The following NUP153 variants were observed in gnomAD, a reference collection of about 807,000 sequenced individuals.
The protein encoded by NUP153 is nuclear pore complex protein Nup153.
NUP153 carries 27 observed loss-of-function variants against 134.6 expected under a neutral mutation model. The ratio of observed to expected loss-of-function variants is 0.20; its 90% CI spans 0.15 to 0.28. NUP153 has a LOEUF of 0.28. Ranked by LOEUF, NUP153 falls within the 10% of genes least tolerant of loss-of-function variation. NUP153 has a pLI of 1.00. For synonymous variants in NUP153, 640 were observed against 623.5 expected, an observed-to-expected ratio of 1.03 and a Z score of -0.40; for missense variants, 1,821 against 1,731.3, an observed-to-expected ratio of 1.05 and a Z score of -0.92.
chr6:17,629,647 C>G, intron 17 of NUP153, 108 bp from the exon 18 acceptor site: 1 of 967,650 alleles, frequency 1.0e-6, no homozygotes, highest in Non-Finnish European at 1.5e-6. Flanking sequence ...TTTGAAAGGG[C>G]CTACTTTGAA....
rs750497570 is a variant in NUP153 at position 17,632,815 on chromosome 6, T to C, written c.2494A>G (p.Thr832Ala). Reference protein sequence around the residue: ...GSSVPASSSSTVPVSLPSGGS... With the variant: ...GSSVPASSSSAVPVSLPSGGS... ...CCAGAAGGCAGAGAGACAGGTACAG[T>C]GCTGCTACTTGAAGCAGGTACTGAA... Residue 832 changes from threonine to alanine, a missense_variant, in exon 17 of 22, where the codon ACT becomes GCT. Physicochemically the swap from Thr to Ala is moderately conservative, Grantham distance 58. Transcript: ENST00000262077. The C allele has an allele frequency of 4.1e-6, 6 of 1,470,102 alleles. No homozygotes were observed. The highest frequency in any genetic ancestry group is 3.8e-4 in the Middle Eastern group (2 of 5,316). 91.1% of individuals were successfully genotyped at this position (1,470,102 alleles called of 1,614,324 possible). A position where few individuals can be genotyped will look rare whatever the true frequency, so the allele number is the denominator to read the frequency against.
chr6:17,630,748 G>A (rs1371769335), intron 17 of NUP153, among the ~76,000 whole-genome samples: 1 of 133,620 alleles, frequency 7.5e-6, no homozygotes, highest in Non-Finnish European at 1.6e-5. Flanking sequence ...GGGGAGGGGA[G>A]AAGGGAGGGG....
At chr6:17,672,553 G>A (rs1180927047) in intron 5 of NUP153, among the ~76,000 whole-genome samples, 2 of 152,196 alleles carry the variant, frequency 1.3e-5, no homozygotes, top group Non-Finnish European at 2.9e-5. Context: ...TCCAACCTGT[G>A]TGACAGAGCA....
chr6:17,639,856 A>G, intron 15 of NUP153, 83 bp downstream of exon 15: 1 of 1,299,908 alleles, frequency 7.7e-7, no homozygotes, highest in South Asian at 1.8e-5. Flanking sequence ...AGAAATTTTT[A>G]AAAGCCTAAA....
At chr6:17,658,638 T>A (rs1474562271) in intron 11 of NUP153, among the ~76,000 whole-genome samples, 1 of 152,180 alleles carries the variant, frequency 6.6e-6, no homozygotes, top group African/African-American at 2.4e-5. Flanking sequence ...TCTATGGTCA[T>A]TCACCATTTG....
At chr6:17,627,333 G>C (rs1764994658) in intron 18 of NUP153, among the ~76,000 whole-genome samples, 2 of 152,160 alleles carry the variant, frequency 1.3e-5, no homozygotes. Flanking sequence ...ATATATAACA[G>C]ACAAAAAACT....
In NUP153 at chr6:17,646,056, T is replaced by G. The variant is rs916164430; in HGVS notation, c.1720+11A>C. 1 of 1,361,268 alleles carries G rather than the reference T, an allele frequency of 7.3e-7. No homozygotes were observed. The highest frequency in any genetic ancestry group is 1.0e-6 in the Non-Finnish European group (1 of 964,602). The allele number at this position is 1,361,268 out of a possible 1,614,324, so 84.3% of individuals were successfully genotyped here. A position where few individuals can be genotyped will look rare whatever the true frequency, so the allele number is the denominator to read the frequency against. The stretch of plus-strand genomic sequence containing the variant: ...TGTTTGTATGTTAAAATGTAAGAAA[T>G]TTTTACTTACCTGAACTACTTATAA... On this transcript the variant is annotated intron_variant, in intron 14 of 21. Transcript: ENST00000262077.
chr6:17,638,959 C>T lies in NUP153; in HGVS notation c.1846+980G>A, dbSNP rs920938939. Among the ~76,000 whole-genome samples the T allele has an allele frequency of 1.3e-5, 2 of 152,196 alleles. No homozygotes were observed. The highest frequency in any genetic ancestry group is 1.3e-4 in the Admixed American group (2 of 15,268). On this transcript the variant is annotated intron_variant, in intron 15 of 21. Coordinates refer to ENST00000262077, the MANE Select transcript of NUP153 (RefSeq NM_005124.4). The surrounding 1 kb of genome is among the most constrained non-coding windows in gnomAD (Gnocchi z 4.0). ...CCTAAATCCTGTTGTAAAAGCCAAC[C>T]TTATTTTTTAAGAAAACCTATCTTA...
chr6:17,648,477 CAT>C (rs1286650102), intron 12 of NUP153, among the ~76,000 whole-genome samples: 3 of 152,038 alleles, frequency 2.0e-5, no homozygotes, highest in Non-Finnish European at 4.4e-5. Flanking sequence ...ATTAGCCGGG[CAT>C]GGTGGTGCGC....
chr6:17,698,344 G>A (rs1330376215), intron 1 of NUP153, among the ~76,000 whole-genome samples: 1 of 152,180 alleles, frequency 6.6e-6, no homozygotes, highest in East Asian at 1.9e-4. Context: ...TGTAATCTCA[G>A]TGCTTTGGAG....
At position 17,670,496 on chromosome 6, in the gene NUP153, C is replaced by T. The variant is rs900270368; in HGVS notation, c.853-950G>A. Among the ~76,000 whole-genome samples, 8 of 152,164 alleles carry T rather than the reference C, an allele frequency of 5.3e-5. No individual in the cohort carries two copies. In the South Asian group the frequency reaches 8.3e-4, roughly 16 times the overall value. On this transcript the variant is annotated intron_variant, in intron 5 of 21. Coordinates refer to ENST00000262077, the MANE Select transcript of NUP153 (RefSeq NM_005124.4). ...TTATCTGTGTACAGTAAAAATATTA[C>T]AGGAATAATACCCTTTCCAATCTGC...
intron 2 of NUP153, among the ~76,000 whole-genome samples, chr6:17,684,432 C>G (rs748018299): frequency 6.6e-6 from 1 of 152,252 alleles, no homozygotes; most frequent in Non-Finnish European, 1.5e-5. Context: ...TCAGACTTCA[C>G]AGAACTGAAG....
Position 17,668,968 on chromosome 6 carries a change from GT to G in NUP153, c.1068+6del, listed in dbSNP as rs780668884. On this transcript the variant is annotated splice_donor_region_variant and intron_variant, in intron 8 of 21. Coordinates refer to ENST00000262077, the MANE Select transcript of NUP153 (RefSeq NM_005124.4). The stretch of plus-strand genomic sequence containing the variant: ...GTTTAAATAACTAAATGCTAAAGAA[GT>G]TTTACCTTTTCTCTTTTGGCCTGAA... 2.7e-6 allele frequency: 4 copies of G among 1,495,916 alleles called. No homozygotes were observed. The highest frequency in any genetic ancestry group is 1.5e-5 in the African/African-American group (1 of 67,444). The allele number at this position is 1,495,916 out of a possible 1,614,324, so 92.7% of individuals were successfully genotyped here. A position where few individuals can be genotyped will look rare whatever the true frequency, so the allele number is the denominator to read the frequency against.
intron 5 of NUP153, among the ~76,000 whole-genome samples, chr6:17,672,598 C>T (rs1354672578): frequency 1.3e-5 from 2 of 152,056 alleles, no homozygotes; most frequent in Admixed American, 6.6e-5. Flanking sequence ...AGAACAAAGA[C>T]GGTGCAAAAG....
intron 1 of NUP153, among the ~76,000 whole-genome samples, chr6:17,689,089 G>T (rs147073289): frequency 0.011 from 1,603 of 151,566 alleles, 25 homozygotes; most frequent in African/African-American, 0.037. Context: ...AAAAATACAG[G>T]AACTAAAACA....
chr6:17,700,708 C>T (rs1382259084), intron 1 of NUP153, among the ~76,000 whole-genome samples: 3 of 152,168 alleles, frequency 2.0e-5, no homozygotes, highest in Non-Finnish European at 4.4e-5. Context: ...ATCATATAAA[C>T]CATGGTATAG....
Position 17,637,596 on chromosome 6 carries a change from G to A in NUP153, c.2021C>T (p.Thr674Ile), listed in dbSNP as rs995781507. The change falls in exon 16 of 22, where the codon ACA (threonine) becomes ATA (isoleucine). Residue 674 changes from threonine to isoleucine, a missense_variant. Thr to Ile is a moderately conservative substitution (Grantham distance 89). Coordinates refer to ENST00000262077, the MANE Select transcript of NUP153 (RefSeq NM_005124.4). ...CDTCLLQNKV[T>I]DNKCIACQAA... ...TTGACAGGCTATGCATTTGTTGTCT[G>A]TAACTTTGTTCTGGAGTAGACATGT... 3.7e-6 allele frequency: 6 copies of A among 1,614,108 alleles called. No individual in the cohort carries two copies. In the South Asian group the frequency reaches 6.6e-5, roughly 18 times the overall value.
intron 5 of NUP153, among the ~76,000 whole-genome samples, chr6:17,670,028 G>A (rs1019285690): frequency 5.3e-5 from 8 of 150,256 alleles, no homozygotes; most frequent in South Asian, 2.1e-4. Flanking sequence ...CCCAGGAGGC[G>A]GAGGTTGTGG....
chr6:17,673,456 T>C (rs1251186986), intron 5 of NUP153, among the ~76,000 whole-genome samples: 2 of 152,164 alleles, frequency 1.3e-5, no homozygotes, highest in Non-Finnish European at 2.9e-5. Context: ...ATTTGTACCC[T>C]GAAAAATGAA....
Sources: gnomAD v4.1 joint callset for allele counts (sites outside exome capture counted in the v4.1 genomes callset) on GRCh38, gnomAD v4.1.1 for gene constraint, Gnocchi (gnomAD v3.1) non-coding constraint, MANE v1.5 for transcripts, NCBI Gene and HGNC (gene_info 2026-07-23, HGNC 2026-07-21) for gene names.